Variants in ROBO3 observed in about 807,000 individuals in gnomAD.
The protein encoded by ROBO3 is roundabout guidance receptor 3.
In ROBO3, 97 loss-of-function variants were observed where a neutral mutation model predicts 160.5. That is an observed-to-expected ratio of 0.60 (90% confidence interval 0.51 to 0.72). ROBO3 has a LOEUF of 0.72. ROBO3 is among the 30% of genes least tolerant of loss of function. ROBO3 has a pLI of 0.00. For missense variants in ROBO3, 1,858 were observed against 1,846.5 expected (o/e 1.01, Z -0.11); for synonymous variants, 780 against 746.2 (o/e 1.05, Z -0.74).
rs187438687 is a variant in ROBO3 at position 124,868,995 on chromosome 11, G to A, written c.354G>A (p.Leu118=). 1,947 of 1,598,954 alleles carry A rather than the reference G, an allele frequency of 1.2e-3. 35 individuals are homozygous for A. The highest frequency in any genetic ancestry group is 8.3e-5 in the Non-Finnish European group (97 of 1,173,690). The change falls in exon 2 of 28, where the codon CTG becomes CTA. Residue 118 remains leucine (L), a synonymous_variant. Transcript: ENST00000397801. ...REDPRAHRLL[L]PSGALFFPRI... ...ATCCGCGTGCGCACCGCCTGCTGCT[G>A]CCCAGCGGCGCCCTCTTCTTCCCGC...
At position 124,879,930 on chromosome 11, in the gene ROBO3, C is replaced by G. The variant is rs778211433; in HGVS notation, c.3940C>G (p.Arg1314Gly). Residue 1314 changes from arginine (R) to glycine (G), a missense_variant, in exon 26 of 28, where the codon CGG (arginine) becomes GGG (glycine). Arg to Gly is a moderately radical substitution (Grantham distance 125, BLOSUM62 -2). Transcript: ENST00000397801. ...CCAGGCCGTGCCCCTGGCAGCCCAGCGGGTGCTCCACCCAGATGGTAAGCA... is the reference window on the plus strand; with the variant it reads ...CCAGGCCGTGCCCCTGGCAGCCCAGGGGGTGCTCCACCCAGATGGTAAGCA... ...AVQAVPLAAQ[R>G]VLHPDEEAWL... 19 of 1,588,864 alleles carry G rather than the reference C, an allele frequency of 1.2e-5. No homozygotes were observed. Among genetic ancestry groups the G allele is most frequent in the East Asian group, 2.3e-5 (1 of 43,594 alleles).
rs1001540841 is a variant in ROBO3 at position 124,873,616 on chromosome 11, T to C, written c.1619-81T>C. The C allele has an allele frequency of 1.2e-5, 17 of 1,369,490 alleles. No homozygotes were observed. The highest frequency in any genetic ancestry group is 7.0e-5 in the East Asian group (3 of 42,578). The allele number at this position is 1,369,490 out of a possible 1,614,324, so 84.8% of individuals were successfully genotyped here. A position where few individuals can be genotyped will look rare whatever the true frequency, so the allele number is the denominator to read the frequency against. The stretch of plus-strand genomic sequence containing the variant: ...ACCATCACCGCAGCTCAGAGCTCCA[T>C]AGCTCCCCTGGTAAGGAGACAGGTT... On this transcript the variant is annotated intron_variant, in intron 10 of 27. Transcript: ENST00000397801. The surrounding 1 kb of genome is among the most constrained non-coding windows in gnomAD (Gnocchi z 4.5).
chr11:124,868,469 C>G (rs1946232372), intron 1 of ROBO3: 4 of 591,702 alleles, frequency 6.8e-6, no homozygotes, highest in Non-Finnish European at 1.2e-5. Context: ...GCGGTCTACT[C>G]GCCAAGCGTG....
chr11:124,872,841 C>T lies in ROBO3; in HGVS notation c.1331-43C>T. Reference sequence around the variant, plus strand: ...GAGGACAAGGGGCTGCCCGCGGGGCCCTAAGCTCCTCCCCTGAGGTGCACA... The same window carrying T: ...GAGGACAAGGGGCTGCCCGCGGGGCTCTAAGCTCCTCCCCTGAGGTGCACA... On this transcript the variant is annotated intron_variant, in intron 8 of 27. Transcript: ENST00000397801. This position sits in a 1 kb window ranked among gnomAD's most constrained non-coding sequence, Gnocchi z 4.3. 1 of 1,485,700 alleles carries T rather than the reference C, an allele frequency of 6.7e-7. No homozygotes were observed. Among genetic ancestry groups the T allele is most frequent in the Non-Finnish European group, 9.0e-7 (1 of 1,107,804 alleles). The allele number at this position is 1,485,700 out of a possible 1,614,324, so 92.0% of individuals were successfully genotyped here. A position where few individuals can be genotyped will look rare whatever the true frequency, so the allele number is the denominator to read the frequency against.
rs1426380438 is a variant in ROBO3 at position 124,879,950 on chromosome 11, T to G, written c.3958+2T>G. On this transcript the variant is annotated splice_donor_variant, in intron 26 of 27. Transcript: ENST00000397801. LOFTEE classifies it high-confidence loss of function. ...CCCAGCGGGTGCTCCACCCAGATGG[T>G]AAGCAGGGCCAGGGCAGGCAGGAGG... 4 of 1,569,218 alleles carry G rather than the reference T, an allele frequency of 2.5e-6. No homozygotes were observed. The highest frequency in any genetic ancestry group is 3.5e-6 in the Non-Finnish European group (4 of 1,157,416).
Position 124,873,400 on chromosome 11 carries a change from T to A in ROBO3, c.1618+9T>A, listed in dbSNP as rs1174705196. 1 of 1,607,918 alleles carries A rather than the reference T, an allele frequency of 6.2e-7. No individual in the cohort carries two copies. ...CTGGCTTAAGATGCGGGGTGAGTTTTTTCTTTCTTCCCTTATTTTGATAAT... is the reference window on the plus strand; with the variant it reads ...CTGGCTTAAGATGCGGGGTGAGTTTATTCTTTCTTCCCTTATTTTGATAAT... On this transcript the variant is annotated intron_variant, in intron 10 of 27. Transcript: ENST00000397801. The surrounding 1 kb of genome is among the most constrained non-coding windows in gnomAD (Gnocchi z 4.5).
At chr11:124,871,248 G>GC in intron 7 of ROBO3, 110 bp downstream of exon 7, 1 of 1,335,082 alleles carries the variant, frequency 7.5e-7, no homozygotes, top group Non-Finnish European at 1.0e-6. Flanking sequence ...ATCTTTGGGA[G>GC]CCCCCAGAAA....
chr11:124,869,430 C>CCCG lies in ROBO3; in HGVS notation c.488-18_488-17insGCC. On this transcript the variant is annotated intron_variant, in intron 2 of 27. Coordinates refer to ENST00000397801, the MANE Select transcript of ROBO3 (RefSeq NM_022370.4). The surrounding 1 kb of genome is among the most constrained non-coding windows in gnomAD (Gnocchi z 4.2). ...GTCACTCTACACCCTGCTTATTTCG[C>CCCG]CCCCCACCGCCCCGCCCAGTCCTCC... The CCCG allele has an allele frequency of 3.3e-6, 4 of 1,229,898 alleles. No individual in the cohort carries two copies. The highest frequency in any genetic ancestry group is 2.2e-5 in the Admixed American group (1 of 44,512). The allele number at this position is 1,229,898 out of a possible 1,614,324, so 76.2% of individuals were successfully genotyped here. A position where few individuals can be genotyped will look rare whatever the true frequency, so the allele number is the denominator to read the frequency against.
Position 124,869,875 on chromosome 11 carries a change from ACACATATATTCAC to A in ROBO3, c.646-70_646-58del. On this transcript the variant is annotated intron_variant, in intron 3 of 27. Coordinates refer to ENST00000397801, the MANE Select transcript of ROBO3 (RefSeq NM_022370.4). The surrounding 1 kb of genome is among the most constrained non-coding windows in gnomAD (Gnocchi z 4.2). ...AAATAAACTTTATACATATGTATATACACATATATTCACCATATATATATACGCTGTGATAGCT... is the reference window on the plus strand; with the variant it reads ...AAATAAACTTTATACATATGTATATACATATATATATACGCTGTGATAGCT... 6.6e-7 allele frequency: 1 copy of A among 1,521,194 alleles called. No individual in the cohort carries two copies. Among genetic ancestry groups the A allele is most frequent in the African/African-American group, 1.4e-5 (1 of 72,534 alleles). The allele number at this position is 1,521,194 out of a possible 1,614,324, so 94.2% of individuals were successfully genotyped here.
chr11:124,866,335 G>C (rs987259809), intron 1 of ROBO3, among the ~76,000 whole-genome samples: 15 of 152,340 alleles, frequency 9.8e-5, no homozygotes, highest in Admixed American at 8.5e-4. Flanking sequence ...GGAGCTGGCG[G>C]CGAGGTCGTT....
intron 13 of ROBO3, 71 bp downstream of exon 13, chr11:124,874,980 G>A (rs558615778): frequency 2.6e-6 from 4 of 1,549,196 alleles, no homozygotes; most frequent in African/African-American, 1.4e-5. Flanking sequence ...CCAAGAGTGA[G>A]TATGGGAGAG....
At chr11:124,867,112 G>A (rs2135322564) in intron 1 of ROBO3, among the ~76,000 whole-genome samples, 1 of 152,230 alleles carries the variant, frequency 6.6e-6, no homozygotes, top group Non-Finnish European at 1.5e-5. Context: ...GCAGCATGAA[G>A]CAAAACCTAG....
chr11:124,874,836 G>T lies in ROBO3; in HGVS notation c.2000G>T (p.Gly667Val). 6.2e-7 allele frequency: 1 copy of T among 1,603,610 alleles called. No homozygotes were observed. Among genetic ancestry groups the T allele is most frequent in the South Asian group, 1.1e-5 (1 of 88,880 alleles). ...PVEDPWRGQQ[G>V]LAEVAVRLQE... Reference sequence around the variant, plus strand: ...GAGGACCCATGGAGAGGCCAGCAGGGACTGGCGGAAGTGGCTGTGCGCCTG... The same window carrying T: ...GAGGACCCATGGAGAGGCCAGCAGGTACTGGCGGAAGTGGCTGTGCGCCTG... Residue 667 changes from glycine (G) to valine (V), a missense_variant, in exon 13 of 28, where the codon GGA (glycine) becomes GTA (valine). Physicochemically the swap from Gly to Val is moderately radical, Grantham distance 109 (BLOSUM62 -3). Coordinates refer to ENST00000397801, the MANE Select transcript of ROBO3 (RefSeq NM_022370.4).
In ROBO3 at chr11:124,879,358, T is replaced by C; in HGVS notation, c.3685+17T>C. ...GTGCCCCAGGTAAGTCTCTACAACCTCCTTTTGCCCCCCGGCTCCCTCCAG... is the reference window on the plus strand; with the variant it reads ...GTGCCCCAGGTAAGTCTCTACAACCCCCTTTTGCCCCCCGGCTCCCTCCAG... On this transcript the variant is annotated intron_variant, in intron 24 of 27. Transcript: ENST00000397801. 6.2e-7 allele frequency: 1 copy of C among 1,607,090 alleles called. No homozygotes were observed. The highest frequency in any genetic ancestry group is 1.3e-5 in the African/African-American group (1 of 74,846).
intron 1 of ROBO3, 116 bp from the exon 2 acceptor site, chr11:124,868,686 G>T (rs972865442): frequency 9.4e-7 from 1 of 1,067,368 alleles, no homozygotes; most frequent in East Asian, 2.6e-5. Flanking sequence ...TGGGGACTGA[G>T]CTCCGCAGAG....
At position 124,870,640 on chromosome 11, in the gene ROBO3, T is replaced by A; in HGVS notation, c.945T>A (p.His315Gln). The part of the protein sequence containing the change: ...IRSDHSLWIG[H>Q]VSAEDEGTYT... ...GTGACCACAGCCTTTGGATTGGGCA[T>A]GTGAGTGCCGAAGATGAGGGAACGT... is the stretch of plus-strand genomic sequence containing the variant. The change falls in exon 6 of 28, where the codon CAT (histidine) becomes CAA (glutamine). Residue 315 changes from histidine (H) to glutamine (Q), a missense_variant. His to Gln is a conservative substitution (Grantham distance 24). Transcript: ENST00000397801. The A allele has an allele frequency of 6.2e-7, 1 of 1,613,554 alleles. No individual in the cohort carries two copies. The highest frequency in any genetic ancestry group is 8.5e-7 in the Non-Finnish European group (1 of 1,179,778).
At chr11:124,868,458 A>G in intron 1 of ROBO3, 4 of 583,878 alleles carry the variant, frequency 6.9e-6, no homozygotes, top group Non-Finnish European at 9.2e-6. Flanking sequence ...GAGGCGAGGG[A>G]GCGGTCTACT....
At chr11:124,877,704 G>A (rs1277803495) in intron 20 of ROBO3, 46 bp downstream of exon 20, 10 of 1,600,306 alleles carry the variant, frequency 6.2e-6, no homozygotes, top group African/African-American at 2.7e-5. Flanking sequence ...CACTTCTCCC[G>A]ACCTACTGGG....
chr11:124,877,223 G>A lies in ROBO3; in HGVS notation c.2803+39G>A, dbSNP rs997096228. 3.7e-6 allele frequency: 6 copies of A among 1,613,830 alleles called. No homozygotes were observed. The African/African-American group carries it at 8.0e-5, about 22-fold the overall frequency. On this transcript the variant is annotated intron_variant, in intron 18 of 27. Transcript: ENST00000397801. ...GCCCCAGTGGGGTTCAGACCCCCCG[G>A]GACGGGCCCTTCTCTCACTCATTCG...
Sources: allele counts gnomAD v4.1 joint callset (sites outside exome capture counted in the v4.1 genomes callset), GRCh38; gene constraint gnomAD v4.1.1; non-coding constraint Gnocchi (gnomAD v3.1); transcripts MANE v1.5; gene names NCBI Gene and HGNC (gene_info 2026-07-23, HGNC 2026-07-21).